The following SYN2 variants were observed in gnomAD, a reference collection of about 807,000 sequenced individuals.
SYN2 encodes the protein synapsin II.
SYN2 carries 19 observed loss-of-function variants against 50.9 expected under a neutral mutation model. The ratio of observed to expected loss-of-function variants is 0.37; its 90% CI spans 0.26 to 0.55. The LOEUF is 0.55. Ranked by LOEUF, SYN2 falls within the 20% of genes least tolerant of loss-of-function variation. SYN2 has a pLI of 0.81. For synonymous variants in SYN2, 255 were observed against 224.9 expected (o/e 1.13, Z -1.20); for missense variants, 587 against 576.4 (o/e 1.02, Z -0.19).
intron 5 of SYN2, chr3:12,158,880 G>A (rs537434298): frequency 2.7e-6 from 4 of 1,502,780 alleles, no homozygotes; most frequent in East Asian, 2.4e-5. Context: ...AGGTCTGGGG[G>A]ACTGGACGGC....
At chr3:12,071,137 A>G in intron 1 of SYN2, 3 of 558,374 alleles carry the variant, frequency 5.4e-6, no homozygotes. Context: ...GGTGCTGTCC[A>G]GCGGCACTAC....
intron 1 of SYN2, among the ~76,000 whole-genome samples, chr3:12,026,885 G>A (rs1694272597): frequency 6.6e-6 from 1 of 152,238 alleles, no homozygotes; most frequent in South Asian, 2.1e-4. Flanking sequence ...GTGTTTGGAT[G>A]TTAACTAATG....
At chr3:12,021,927 G>C (rs1423365861) in intron 1 of SYN2, among the ~76,000 whole-genome samples, 5 of 152,102 alleles carry the variant, frequency 3.3e-5, no homozygotes, top group East Asian at 1.9e-4. Context: ...CAAATCAGCT[G>C]AGTGTGGTGG....
At chr3:12,143,988 G>A (rs969377987) in intron 3 of SYN2, among the ~76,000 whole-genome samples, 2 of 152,256 alleles carry the variant, frequency 1.3e-5, no homozygotes, top group African/African-American at 4.8e-5. Context: ...CCTGGGTGCA[G>A]CTGGGGCTGG....
intron 1 of SYN2, among the ~76,000 whole-genome samples, chr3:12,058,006 C>T (rs1437238574): frequency 1.3e-5 from 2 of 152,186 alleles, no homozygotes; most frequent in Non-Finnish European, 2.9e-5. Flanking sequence ...TTCCCCAACC[C>T]TTCTCCATCA....
intron 1 of SYN2, among the ~76,000 whole-genome samples, chr3:12,020,588 T>G (rs895765653): frequency 9.2e-5 from 14 of 152,212 alleles, no homozygotes; most frequent in Middle Eastern, 3.4e-3. Context: ...GGTAGCAGCT[T>G]TGAAGGAAGA....
At position 12,117,484 on chromosome 3, in the gene SYN2, C is replaced by A. The variant is rs148013463; in HGVS notation, c.378-23167C>A. 1.1e-3 allele frequency among the ~76,000 whole-genome samples: 161 copies of A among 152,296 alleles called. 1 individual carries two copies. Among genetic ancestry groups the A allele is most frequent in the African/African-American group, 3.8e-3 (158 of 41,568 alleles). On this transcript the variant is annotated intron_variant, in intron 1 of 12. Transcript: ENST00000621198. ...TTAAATCTGTTCTCTAAATCAAGTG[C>A]TGGAAATTACTTCAGATATATTGCT...
chr3:12,140,773 G>A lies in SYN2; in HGVS notation c.435+65G>A. The A allele has an allele frequency of 6.9e-6, 5 of 721,638 alleles. 1 individual carries two copies. The South Asian group carries it at 7.4e-5, about 11-fold the overall frequency. The allele number at this position is 721,638 out of a possible 1,614,324, so 44.7% of individuals were successfully genotyped here. A position where few individuals can be genotyped will look rare whatever the true frequency, so the allele number is the denominator to read the frequency against. ...CAGTTTCCTCTTGACATGCCAGAGTGAACCATCTCGTTCTGCTGAGTGGAA... is the reference window on the plus strand; with the variant it reads ...CAGTTTCCTCTTGACATGCCAGAGTAAACCATCTCGTTCTGCTGAGTGGAA... On this transcript the variant is annotated intron_variant, in intron 2 of 12. Coordinates refer to ENST00000621198, the MANE Select transcript of SYN2 (RefSeq NM_133625.6).
intron 1 of SYN2, among the ~76,000 whole-genome samples, chr3:12,127,831 C>T (rs1416881474): frequency 2.0e-5 from 3 of 152,154 alleles, no homozygotes; most frequent in Non-Finnish European, 2.9e-5. Flanking sequence ...TCTTTTATTT[C>T]CTTGCAGCAA....
At position 12,183,371 on chromosome 3, in the gene SYN2, A is replaced by G. The variant is rs1698266305; in HGVS notation, c.1368A>G (p.Gln456=). The part of the protein sequence containing the change: ...SKTPPQRPPP[Q]GGPGQPQGMQ... ...CCCCACCTCAGCGGCCACCCCCTCAAGGTTGTTTACAGTATATTCTCGACT... is the reference window on the plus strand; with the variant it reads ...CCCCACCTCAGCGGCCACCCCCTCAGGGTTGTTTACAGTATATTCTCGACT... The change falls in exon 11 of 13, where the codon CAA becomes CAG. Residue 456 remains glutamine (Q), a splice_region_variant and synonymous_variant. Coordinates refer to ENST00000621198, the MANE Select transcript of SYN2 (RefSeq NM_133625.6). 1 of 1,613,800 alleles carries G rather than the reference A, an allele frequency of 6.2e-7. No homozygotes were observed. Among genetic ancestry groups the G allele is most frequent in the Non-Finnish European group, 8.5e-7 (1 of 1,179,870 alleles).
At chr3:12,081,196 C>T (rs1695581973) in intron 1 of SYN2, among the ~76,000 whole-genome samples, 1 of 152,154 alleles carries the variant, frequency 6.6e-6, no homozygotes, top group Admixed American at 6.6e-5. Flanking sequence ...AAGTGAAAAT[C>T]TGCCTTTTAT....
At chr3:12,011,407 T>C (rs1015374944) in intron 1 of SYN2, among the ~76,000 whole-genome samples, 1 of 152,162 alleles carries the variant, frequency 6.6e-6, no homozygotes, top group Non-Finnish European at 1.5e-5. Flanking sequence ...GAAGACGTAG[T>C]TTTTAGTAGG....
intron 1 of SYN2, among the ~76,000 whole-genome samples, chr3:12,135,562 C>G (rs1450363665): frequency 6.6e-6 from 1 of 152,190 alleles, no homozygotes; most frequent in Non-Finnish European, 1.5e-5. Flanking sequence ...AGATTTGATC[C>G]TTATGCAAAT....
rs573246278 is a variant in SYN2 at position 12,044,181 on chromosome 3, T to TCTCTCTCACACA, written c.377+39254_377+39255insTCTCTCACACAC. On this transcript the variant is annotated intron_variant, in intron 1 of 12. Transcript: ENST00000621198. ...AAAGTTCTCTCTCTCTCTCTCTCTC[T>TCTCTCTCACACA]CACACACACACACACACACACACAC... Among the ~76,000 whole-genome samples the TCTCTCTCACACA allele has an allele frequency of 7.1e-3, 378 of 53,350 alleles. 1 individual carries two copies. The highest frequency in any genetic ancestry group is 0.031 in the Middle Eastern group (2 of 64). The allele number at this position is 53,350 out of a possible 152,430, so 35.0% of individuals were successfully genotyped here.
intron 12 of SYN2, among the ~76,000 whole-genome samples, chr3:12,188,616 T>A (rs1313739433): frequency 1.3e-5 from 2 of 151,792 alleles, no homozygotes; most frequent in East Asian, 3.9e-4. Flanking sequence ...AAGAAAAATT[T>A]TTTTTTTTCT....
At chr3:12,179,159 A>G (rs1013340947) in intron 10 of SYN2, among the ~76,000 whole-genome samples, 1 of 152,124 alleles carries the variant, frequency 6.6e-6, no homozygotes, top group African/African-American at 2.4e-5. Context: ...CAGTAGATTC[A>G]GCGTAGCAGG....
intron 1 of SYN2, among the ~76,000 whole-genome samples, chr3:12,027,087 G>T (rs1694277793): frequency 6.6e-6 from 1 of 152,228 alleles, no homozygotes; most frequent in African/African-American, 2.4e-5. Flanking sequence ...AATAAACTCA[G>T]TGGTGTCCTT....
intron 1 of SYN2, among the ~76,000 whole-genome samples, chr3:12,074,718 G>A (rs899740538): frequency 6.6e-6 from 1 of 152,024 alleles, no homozygotes; most frequent in Non-Finnish European, 1.5e-5. Flanking sequence ...ATATTTAGTT[G>A]ATTGGACCAG....
At chr3:12,064,790 T>G (rs1223765890) in intron 1 of SYN2, among the ~76,000 whole-genome samples, 3 of 152,042 alleles carry the variant, frequency 2.0e-5, no homozygotes, top group Non-Finnish European at 4.4e-5. Flanking sequence ...AAATGTGAAA[T>G]GGTGCACTTG....
Sources: allele counts gnomAD v4.1 joint callset (sites outside exome capture counted in the v4.1 genomes callset), GRCh38; gene constraint gnomAD v4.1.1; transcripts MANE v1.5; gene names NCBI Gene and HGNC (gene_info 2026-07-23, HGNC 2026-07-21).